The following HEPH variants were observed in gnomAD, a reference collection of about 807,000 sequenced individuals.
The protein encoded by HEPH is hephaestin.
In HEPH, 69 loss-of-function variants were observed where a neutral mutation model predicts 80.8. The observed-to-expected ratio is 0.85, with a 90% CI of 0.70 to 1.04. HEPH has a LOEUF of 1.04. Ranked by LOEUF, HEPH falls within the 50% of genes least tolerant of loss-of-function variation. The probability of loss-of-function intolerance (pLI) is 0.00; values close to 1 mark genes in which losing one functional copy is unlikely to be tolerated. For missense variants in HEPH, 1,115 were observed against 891.3 expected (o/e 1.25, Z -3.20); for synonymous variants, 431 against 322.8 (o/e 1.34, Z -3.60).
At chrX:66,171,068 A>T in intron 2 of HEPH, 1 of 311,376 alleles carries the variant, frequency 3.2e-6, no homozygotes, top group South Asian at 3.1e-5. Flanking sequence ...TGTTTGTAAG[A>T]TGTATGGGTG....
chrX:66,264,618 A>G (rs1281557138), intron 20 of HEPH, among the ~76,000 whole-genome samples: 1 of 108,496 alleles, frequency 9.2e-6, no homozygotes. Flanking sequence ...GATAATTAGT[A>G]GTTTAGTCTG....
chrX:66,266,299 A>G (rs1449229465), intron 20 of HEPH, 141 bp from the exon 21 acceptor site: 10 of 463,106 alleles, frequency 2.2e-5, no homozygotes, highest in South Asian at 2.0e-4. Flanking sequence ...ATCTGTCTTC[A>G]TCAGCTAGTT....
rs764342931 is a variant in HEPH at position 66,179,930 on chromosome X, G to A, written c.625+6129G>A. On this transcript the variant is annotated intron_variant, in intron 4 of 20. Transcript: ENST00000343002. ...ACTCACTTTTGGTTTCCTTTTGCACGAAATGCCTATTTCCACCCCTTGACT... is the reference window on the plus strand; with the variant it reads ...ACTCACTTTTGGTTTCCTTTTGCACAAAATGCCTATTTCCACCCCTTGACT... Among the ~76,000 whole-genome samples the A allele has an allele frequency of 2.8e-4, 31 of 111,117 alleles. No individual in the cohort carries two copies. The South Asian group carries it at 0.011, about 41-fold the overall frequency.
intron 12 of HEPH, among the ~76,000 whole-genome samples, chrX:66,202,348 A>C: frequency 8.9e-6 from 1 of 112,214 alleles, no homozygotes. Context: ...GTGCCAACTC[A>C]TAGAAGGCTT....
rs1339595642 is a variant in HEPH at position 66,230,485 on chromosome X, G to A, written c.2563+22239G>A. Among the ~76,000 whole-genome samples the A allele has an allele frequency of 7.1e-4, 77 of 108,120 alleles. No homozygotes were observed. In the East Asian group the frequency reaches 0.019, roughly 26 times the overall value. The allele number at this position is 108,120 out of a possible 115,157, so 93.9% of individuals were successfully genotyped here. ...TTGCCATTCTAACTGGTGTGAGATGGTATCTCATAGTGGTTTTGATTTGCA... is the reference window on the plus strand; with the variant it reads ...TTGCCATTCTAACTGGTGTGAGATGATATCTCATAGTGGTTTTGATTTGCA... On this transcript the variant is annotated intron_variant, in intron 15 of 20. Transcript: ENST00000343002.
intron 4 of HEPH, among the ~76,000 whole-genome samples, chrX:66,175,369 G>A (rs1281300921): frequency 8.9e-6 from 1 of 111,755 alleles, no homozygotes; most frequent in African/African-American, 3.3e-5. Context: ...TGGTCCAAGT[G>A]CCTATTTTTA....
intron 1 of HEPH, chrX:66,170,230 G>T: frequency 1.3e-5 from 2 of 158,115 alleles, no homozygotes; most frequent in South Asian, 2.4e-4. Flanking sequence ...GCCCAATAAG[G>T]CTTCTGGTGC....
chrX:66,238,560 A>T (rs760877376), intron 15 of HEPH, among the ~76,000 whole-genome samples: 1 of 111,605 alleles, frequency 9.0e-6, no homozygotes, highest in African/African-American at 3.3e-5. Context: ...ACAAACAAAC[A>T]AACAAAAGAA....
At chrX:66,247,873 T>A (rs2148133691) in intron 15 of HEPH, among the ~76,000 whole-genome samples, 1 of 112,060 alleles carries the variant, frequency 8.9e-6, no homozygotes, top group East Asian at 2.8e-4. Context: ...TGTATGAACT[T>A]AAATTCATTA....
intron 4 of HEPH, among the ~76,000 whole-genome samples, chrX:66,174,440 T>C (rs2086720599): frequency 8.9e-6 from 1 of 112,337 alleles, no homozygotes; most frequent in South Asian, 3.7e-4. Context: ...TTCCATGATT[T>C]TGCAATTGTG....
At chrX:66,223,815 C>T (rs751007046) in intron 15 of HEPH, among the ~76,000 whole-genome samples, 3 of 111,696 alleles carry the variant, frequency 2.7e-5, no homozygotes, top group Non-Finnish European at 5.7e-5. Context: ...ATTTTACGTT[C>T]CTTATACACC....
At chrX:66,188,929 A>G (rs1460985026) in intron 5 of HEPH, among the ~76,000 whole-genome samples, 1 of 112,644 alleles carries the variant, frequency 8.9e-6, no homozygotes, top group Non-Finnish European at 1.9e-5. Context: ...AGTTAGCAGA[A>G]TTATCCACTT....
In HEPH at chrX:66,264,462, T is replaced by G. The variant is rs188035318; in HGVS notation, c.3244+774T>G. Among the ~76,000 whole-genome samples, 494 of 109,121 alleles carry G rather than the reference T, an allele frequency of 4.5e-3. 5 individuals carry two copies. The highest frequency in any genetic ancestry group is 6.7e-3 in the Non-Finnish European group (351 of 52,612). The allele number at this position is 109,121 out of a possible 115,157, so 94.8% of individuals were successfully genotyped here. Reference sequence around the variant, plus strand: ...TATGGAATACCAAGGAGTTAAACCTTTGGAACCAGCCATTTCTGACCTTGA... The same window carrying G: ...TATGGAATACCAAGGAGTTAAACCTGTGGAACCAGCCATTTCTGACCTTGA... On this transcript the variant is annotated intron_variant, in intron 20 of 20. Coordinates refer to ENST00000343002, the MANE Select transcript of HEPH (RefSeq NM_001367233.3).
intron 15 of HEPH, among the ~76,000 whole-genome samples, chrX:66,222,942 C>A (rs1227531899): frequency 1.8e-5 from 2 of 111,496 alleles, no homozygotes; most frequent in Non-Finnish European, 3.8e-5. Flanking sequence ...TTAAATTTTT[C>A]TTAGCTTTAG....
intron 15 of HEPH, among the ~76,000 whole-genome samples, chrX:66,215,324 T>A (rs2089339214): frequency 9.0e-6 from 1 of 110,855 alleles, no homozygotes; most frequent in Non-Finnish European, 1.9e-5. Flanking sequence ...GTTTTACTAG[T>A]TTGTTGATTC....
chrX:66,218,086 G>T (rs949497558), intron 15 of HEPH, among the ~76,000 whole-genome samples: 1 of 111,065 alleles, frequency 9.0e-6, no homozygotes, highest in Non-Finnish European at 1.9e-5. Context: ...ATAATAGTGG[G>T]GGACTTTAAT....
intron 14 of HEPH, among the ~76,000 whole-genome samples, chrX:66,207,669 AT>A (rs1447096762): frequency 9.0e-6 from 1 of 111,629 alleles, no homozygotes; most frequent in East Asian, 2.8e-4. Context: ...CAGTTTTTTC[AT>A]TGTACCGCTG....
intron 15 of HEPH, among the ~76,000 whole-genome samples, chrX:66,233,436 G>C (rs1427902726): frequency 1.8e-5 from 2 of 111,557 alleles, no homozygotes; most frequent in African/African-American, 6.5e-5. Context: ...CTTTGGCTGA[G>C]AGTGTTGCTC....
chrX:66,233,171 C>A (rs949115559), intron 15 of HEPH, among the ~76,000 whole-genome samples: 5 of 111,543 alleles, frequency 4.5e-5, no homozygotes, highest in African/African-American at 1.6e-4. Context: ...ATACAAACTG[C>A]CTCTGTATAT....
Sources: gnomAD v4.1 joint callset for allele counts (sites outside exome capture counted in the v4.1 genomes callset) on GRCh38, gnomAD v4.1.1 for gene constraint, MANE v1.5 for transcripts, NCBI Gene and HGNC (gene_info 2026-07-23, HGNC 2026-07-21) for gene names.